Variants in PARD6G observed in about 807,000 individuals in gnomAD.
PARD6G encodes the protein par-6 family cell polarity regulator gamma.
A neutral mutation model predicts 10.7 loss-of-function variants in PARD6G; 7 were observed. That is an observed-to-expected ratio of 0.66 (90% CI 0.37 to 1.23). PARD6G has a LOEUF of 1.23. Among genes scored for constraint, PARD6G ranks in the 50% most tolerant of loss-of-function variants. The pLI is 0.02. For missense variants in PARD6G, 548 were observed against 571.8 expected (o/e 0.96, Z 0.42); for synonymous variants, 287 against 269.4 (o/e 1.07, Z -0.64).
chr18:80,239,080 C>T (rs1967460881), intron 1 of PARD6G, among the ~76,000 whole-genome samples: 1 of 152,154 alleles, frequency 6.6e-6, no homozygotes, highest in Non-Finnish European at 1.5e-5. Flanking sequence ...GCCCTCCCCT[C>T]TTAGACTCCT....
chr18:80,195,580 T>TATATATATATATATATGTATATATA (rs1217519591), intron 2 of PARD6G, among the ~76,000 whole-genome samples: 1 of 134,312 alleles, frequency 7.4e-6, no homozygotes, highest in African/African-American at 2.8e-5. Context: ...TATACACACA[T>TATATATATATATATATGTATATATA]TTTTTTTTCT....
chr18:80,178,748 C>T (rs2145260672), intron 2 of PARD6G, among the ~76,000 whole-genome samples: 1 of 152,304 alleles, frequency 6.6e-6, no homozygotes, highest in Non-Finnish European at 1.5e-5. Flanking sequence ...ACACATGAGG[C>T]AGAAAACAGA....
At position 80,228,271 on chromosome 18, in the gene PARD6G, G is replaced by T. The variant is rs7236322; in HGVS notation, c.72+19006C>A. 1.8e-3 allele frequency among the ~76,000 whole-genome samples: 276 copies of T among 151,996 alleles called. 3 individuals carry two copies. The highest frequency in any genetic ancestry group is 6.5e-3 in the African/African-American group (267 of 41,318). On this transcript the variant is annotated intron_variant, in intron 1 of 2. Transcript: ENST00000353265. This position sits in a 1 kb window ranked among gnomAD's most constrained non-coding sequence, Gnocchi z 4.6. The stretch of plus-strand genomic sequence containing the variant: ...AGAGAGACCCCAAGTGAAAACTGCG[G>T]AAGCCGCCATGGGGAGGTGAGGGGA...
At chr18:80,202,591 TCTC>T in intron 2 of PARD6G, 116 bp downstream of exon 2, 1 of 721,284 alleles carries the variant, frequency 1.4e-6, no homozygotes, top group Non-Finnish European at 2.3e-6. Context: ...ATTTCTTTAA[TCTC>T]CTACTACAGG....
At position 80,183,056 on chromosome 18, in the gene PARD6G, C is replaced by T. The variant is rs976628780; in HGVS notation, c.295+19654G>A. 6 of 702,124 alleles carry T rather than the reference C, an allele frequency of 8.5e-6. No individual in the cohort carries two copies. In the African/African-American group the frequency reaches 1.0e-4, roughly 12 times the overall value. The allele number at this position is 702,124 out of a possible 1,614,324, so 43.5% of individuals were successfully genotyped here. A position where few individuals can be genotyped will look rare whatever the true frequency, so the allele number is the denominator to read the frequency against. Reference sequence around the variant, plus strand: ...AGCTGCGTGGGCCATCCATTCTCTACCATGGCATGCCGACAACAGGGGCAC... The same window carrying T: ...AGCTGCGTGGGCCATCCATTCTCTATCATGGCATGCCGACAACAGGGGCAC... On this transcript the variant is annotated intron_variant, in intron 2 of 2. Transcript: ENST00000353265. This position sits in a 1 kb window ranked among gnomAD's most constrained non-coding sequence, Gnocchi z 4.5.
chr18:80,223,075 C>T (rs1181795237), intron 1 of PARD6G, among the ~76,000 whole-genome samples: 2 of 152,122 alleles, frequency 1.3e-5, no homozygotes, highest in African/African-American at 4.8e-5. Context: ...ACATGCAAAA[C>T]AATAAAGCTG....
chr18:80,240,375 C>A (rs189635150), intron 1 of PARD6G, among the ~76,000 whole-genome samples: 1 of 152,174 alleles, frequency 6.6e-6, no homozygotes, highest in Non-Finnish European at 1.5e-5. Context: ...ATTTGCTCAA[C>A]GGACCATTTC....
In PARD6G at chr18:80,237,031, C is replaced by T. The variant is rs577818402; in HGVS notation, c.72+10246G>A. Among the ~76,000 whole-genome samples, 364 of 152,158 alleles carry T rather than the reference C, an allele frequency of 2.4e-3. 1 individual carries two copies. Among genetic ancestry groups the T allele is most frequent in the African/African-American group, 7.9e-3 (329 of 41,506 alleles). ...GTTCATATGGAACCAAAAAAGAACC[C>T]GCATTGCCAAGTCAATCCTAAGCCA... On this transcript the variant is annotated intron_variant, in intron 1 of 2. Transcript: ENST00000353265.
In PARD6G at chr18:80,168,130, G is replaced by A. The variant is rs1387545410; in HGVS notation, c.296-7524C>T. On this transcript the variant is annotated intron_variant, in intron 2 of 2. Coordinates refer to ENST00000353265, the MANE Select transcript of PARD6G (RefSeq NM_032510.4). ...CCCAGCATCCAAGGGCCCAGGGTGCGTTTGGTGCCAACCACCCCGCCTGCT... is the reference window on the plus strand; with the variant it reads ...CCCAGCATCCAAGGGCCCAGGGTGCATTTGGTGCCAACCACCCCGCCTGCT... Among the ~76,000 whole-genome samples the A allele has an allele frequency of 3.9e-5, 6 of 152,232 alleles. No individual in the cohort carries two copies. The East Asian group carries it at 7.7e-4, about 20-fold the overall frequency.
At chr18:80,208,349 A>G (rs769713383) in intron 1 of PARD6G, among the ~76,000 whole-genome samples, 2 of 152,220 alleles carry the variant, frequency 1.3e-5, no homozygotes, top group African/African-American at 4.8e-5. Flanking sequence ...GAAGACCACA[A>G]CATCAGAGTT....
chr18:80,220,315 T>C (rs893099752), intron 1 of PARD6G, among the ~76,000 whole-genome samples: 3 of 152,046 alleles, frequency 2.0e-5, no homozygotes, highest in African/African-American at 2.4e-5. Flanking sequence ...CCACAACACA[T>C]GGGGATTATG....
chr18:80,234,237 C>T (rs1436533686), intron 1 of PARD6G, among the ~76,000 whole-genome samples: 1 of 152,110 alleles, frequency 6.6e-6, no homozygotes, highest in Non-Finnish European at 1.5e-5. Context: ...TCTCAGGTCC[C>T]AGCTTCTCCC....
Position 80,183,073 on chromosome 18 carries a change from CAG to C in PARD6G, c.295+19635_295+19636del. On this transcript the variant is annotated intron_variant, in intron 2 of 2. Coordinates refer to ENST00000353265, the MANE Select transcript of PARD6G (RefSeq NM_032510.4). The surrounding 1 kb of genome is among the most constrained non-coding windows in gnomAD (Gnocchi z 4.5). ...ATTCTCTACCATGGCATGCCGACAA[CAG>C]GGGCACAGAGAAGTCCCCCTTTCAA... 1.4e-6 allele frequency: 1 copy of C among 702,704 alleles called. No individual in the cohort carries two copies. Among genetic ancestry groups the C allele is most frequent in the Non-Finnish European group, 2.6e-6 (1 of 384,962 alleles). The allele number at this position is 702,704 out of a possible 1,614,324, so 43.5% of individuals were successfully genotyped here. A position where few individuals can be genotyped will look rare whatever the true frequency, so the allele number is the denominator to read the frequency against.
chr18:80,190,596 G>A (rs1325865303), intron 2 of PARD6G, among the ~76,000 whole-genome samples: 1 of 152,186 alleles, frequency 6.6e-6, no homozygotes, highest in Non-Finnish European at 1.5e-5. Context: ...TCTGTCACCT[G>A]ATGGCCACGT....
At chr18:80,190,162 C>T (rs1316786112) in intron 2 of PARD6G, among the ~76,000 whole-genome samples, 1 of 152,208 alleles carries the variant, frequency 6.6e-6, no homozygotes, top group African/African-American at 2.4e-5. Flanking sequence ...ATCATATACA[C>T]CATTCTACCC....
Position 80,160,488 on chromosome 18 carries a change from G to C in PARD6G, c.414C>G (p.Arg138=), listed in dbSNP as rs555361656. ...RRAHLDIGLP[R]DFRPVSSIID... Reference sequence around the variant, plus strand: ...TGATGGATGATACGGGGCGGAAGTCGCGCGGGAGGCCGATGTCCAGGTGTG... The same window carrying C: ...TGATGGATGATACGGGGCGGAAGTCCCGCGGGAGGCCGATGTCCAGGTGTG... Residue 138 remains arginine (R), a synonymous_variant, in exon 3 of 3, where the codon CGC becomes CGG. Coordinates refer to ENST00000353265, the MANE Select transcript of PARD6G (RefSeq NM_032510.4). The C allele has an allele frequency of 9.7e-6, 15 of 1,549,356 alleles. No homozygotes were observed. In the East Asian group the frequency reaches 3.3e-4, roughly 34 times the overall value.
intron 2 of PARD6G, among the ~76,000 whole-genome samples, chr18:80,166,033 G>A (rs912783226): frequency 2.0e-5 from 3 of 151,990 alleles, no homozygotes; most frequent in Non-Finnish European, 2.9e-5. Context: ...AGCTGAGATC[G>A]TGCCATTGCA....
At chr18:80,227,835 G>A (rs1246286843) in intron 1 of PARD6G, among the ~76,000 whole-genome samples, 1 of 151,764 alleles carries the variant, frequency 6.6e-6, no homozygotes, top group South Asian at 2.1e-4. Context: ...GGGCAACCCC[G>A]GGAACCACCA....
Position 80,247,252 on chromosome 18 carries a change from C to G in PARD6G, c.72+25G>C, listed in dbSNP as rs749309737. 4.0e-5 allele frequency: 63 copies of G among 1,561,388 alleles called. No homozygotes were observed. The African/African-American group carries it at 8.6e-4, about 21-fold the overall frequency. ...ATTAGCCAGGAGACTGGGCGCAGGG[C>G]CGCCGGGGCGGGCGGGGGGCTTACC... is the stretch of plus-strand genomic sequence containing the variant. On this transcript the variant is annotated intron_variant, in intron 1 of 2. Coordinates refer to ENST00000353265, the MANE Select transcript of PARD6G (RefSeq NM_032510.4). This position sits in a 1 kb window ranked among gnomAD's most constrained non-coding sequence, Gnocchi z 4.2.
Sources: allele counts gnomAD v4.1 joint callset (sites outside exome capture counted in the v4.1 genomes callset), GRCh38; gene constraint gnomAD v4.1.1; non-coding constraint Gnocchi (gnomAD v3.1); transcripts MANE v1.5; gene names NCBI Gene and HGNC (gene_info 2026-07-23, HGNC 2026-07-21).